The following ETV1 variants were observed in gnomAD, a reference collection of about 807,000 sequenced individuals.
The protein encoded by ETV1 is ETS translocation variant 1.
ETV1 carries 27 observed loss-of-function variants against 62.3 expected under a neutral mutation model. The observed-to-expected ratio is 0.43, with a 90% CI of 0.32 to 0.60. The LOEUF is 0.60. ETV1 is among the 20% of genes least tolerant of loss of function. ETV1 has a pLI of 0.06. For missense variants in ETV1, 605 were observed against 605.8 expected, an observed-to-expected ratio of 1.00 and a Z score of 0.01; for synonymous variants, 222 against 199.6, an observed-to-expected ratio of 1.11 and a Z score of -0.94.
Position 13,960,943 on chromosome 7 carries a change from A to G in ETV1, c.235+16484T>C, listed in dbSNP as rs1583808284. ...GATCACTTGGGTCCACAAGTTCAAG[A>G]CCGCTAGGTAACACAGCAATACCTC... On this transcript the variant is annotated intron_variant, in intron 6 of 13. Transcript: ENST00000430479. Among the ~76,000 whole-genome samples the G allele has an allele frequency of 2.0e-5, 3 of 152,220 alleles. No individual in the cohort carries two copies. The South Asian group carries it at 6.2e-4, about 32-fold the overall frequency.
intron 6 of ETV1, among the ~76,000 whole-genome samples, chr7:13,951,261 A>G (rs1788789514): frequency 6.6e-6 from 1 of 152,134 alleles, no homozygotes; most frequent in Non-Finnish European, 1.5e-5. Flanking sequence ...CTTATGTCAC[A>G]CTCATGAGTT....
intron 3 of ETV1, chr7:13,988,703 CA>C (rs781720047): frequency 1.9e-6 from 3 of 1,612,434 alleles, no homozygotes; most frequent in Non-Finnish European, 2.5e-6. Flanking sequence ...ATGTGGCAGA[CA>C]AACCCAGCCA....
intron 6 of ETV1, among the ~76,000 whole-genome samples, chr7:13,962,953 T>C (rs1337507267): frequency 2.0e-5 from 3 of 152,162 alleles, no homozygotes; most frequent in African/African-American, 7.2e-5. Context: ...TGTATAGTCA[T>C]GGCAAATCAA....
chr7:13,902,424 C>A (rs1276409152), intron 12 of ETV1, among the ~76,000 whole-genome samples: 2 of 151,624 alleles, frequency 1.3e-5, no homozygotes, highest in Non-Finnish European at 2.9e-5. Context: ...ATCATATATC[C>A]CAGCAGACAA....
chr7:13,938,047 G>C (rs986217597), intron 7 of ETV1, among the ~76,000 whole-genome samples: 1 of 152,182 alleles, frequency 6.6e-6, no homozygotes, highest in Non-Finnish European at 1.5e-5. Context: ...CCAGGTTCAA[G>C]CGATTCTCCT....
At chr7:13,975,342 C>G (rs998837884) in intron 6 of ETV1, among the ~76,000 whole-genome samples, 3 of 151,874 alleles carry the variant, frequency 2.0e-5, no homozygotes, top group Admixed American at 6.6e-5. Flanking sequence ...GTCAGGAGAT[C>G]GAGACCATCC....
In ETV1 at chr7:13,961,023, C is replaced by T. The variant is rs533360021; in HGVS notation, c.235+16404G>A. On this transcript the variant is annotated intron_variant, in intron 6 of 13. Transcript: ENST00000430479. ...AATAGCTGGGCATGGTAGCGCACAC[C>T]GGAGTCCCAGCTACTCAAGAGGCTG... 4.6e-5 allele frequency among the ~76,000 whole-genome samples: 7 copies of T among 151,906 alleles called. No homozygotes were observed. The South Asian group carries it at 1.0e-3, about 23-fold the overall frequency.
chr7:13,989,830 C>T (rs1782885998), upstream of ETV1: 2 of 380,786 alleles, frequency 5.3e-6, no homozygotes, highest in African/African-American at 2.1e-5. Flanking sequence ...TCTCCCTCGC[C>T]CCTCTGCCCT....
intron 3 of ETV1, chr7:13,988,544 T>TC: frequency 2.3e-6 from 1 of 437,784 alleles, no homozygotes. Flanking sequence ...GGACAGCCCC[T>TC]CCTCCCCACC....
chr7:13,962,167 A>G (rs1043322047), intron 6 of ETV1, among the ~76,000 whole-genome samples: 3 of 151,272 alleles, frequency 2.0e-5, no homozygotes, highest in Admixed American at 6.6e-5. Flanking sequence ...ACATAAACAT[A>G]TACAATGTTA....
rs141455361 is a variant in ETV1 at position 13,938,280 on chromosome 7, C to T, written c.365+837G>A. Among the ~76,000 whole-genome samples the T allele has an allele frequency of 5.5e-3, 844 of 152,224 alleles. 9 individuals carry two copies. The highest frequency in any genetic ancestry group is 5.6e-3 in the Non-Finnish European group (383 of 67,998). ...GAATCTTACATATCTTGGACATAAA[C>T]AGCGTATGCAATAAATATCTGAGGA... On this transcript the variant is annotated intron_variant, in intron 7 of 13. Transcript: ENST00000430479.
rs1475197955 is a variant in ETV1, at chr7:13,895,944, G to C, written c.1356C>G (p.His452Gln). ...INEEDTVPLS[H>Q]FDESMAYMPE... is the part of the protein sequence containing the mutation. Reference sequence around the variant, plus strand: ...GCATGTAGGCCATGCTCTCATCAAAGTGAGAAAGAGGCACTGTGTCCTCCT... The same window carrying C: ...GCATGTAGGCCATGCTCTCATCAAACTGAGAAAGAGGCACTGTGTCCTCCT... Residue 452 changes from histidine (H) to glutamine (Q), a missense_variant, in exon 14 of 14, where the codon CAC (histidine) becomes CAG (glutamine). By Grantham distance (24) the His-to-Gln change is conservative (BLOSUM62 0). Transcript: ENST00000430479. The C allele has an allele frequency of 6.2e-7, 1 of 1,613,626 alleles. No individual in the cohort carries two copies. The highest frequency in any genetic ancestry group is 8.5e-7 in the Non-Finnish European group (1 of 1,179,808).
intron 9 of ETV1, among the ~76,000 whole-genome samples, chr7:13,918,591 G>A (rs1042318814): frequency 4.6e-5 from 7 of 151,312 alleles, no homozygotes; most frequent in Admixed American, 1.3e-4. Flanking sequence ...GGACATGGAT[G>A]AAATTGGAAA....
At position 13,986,694 on chromosome 7, in the gene ETV1, C is replaced by A. The variant is rs1782582227; in HGVS notation, c.134-9G>T. 1.2e-6 allele frequency: 2 copies of A among 1,604,102 alleles called. No individual in the cohort carries two copies. The highest frequency in any genetic ancestry group is 1.7e-6 in the Non-Finnish European group (2 of 1,174,080). ...TAGATCTTGAAAGAGTTCTAAAAAA[C>A]AAGTCAAAGACATAAACATAAGATT... On this transcript the variant is annotated splice_polypyrimidine_tract_variant and intron_variant, in intron 4 of 13. Transcript: ENST00000430479.
intron 9 of ETV1, among the ~76,000 whole-genome samples, chr7:13,930,932 C>T (rs1489482742): frequency 6.6e-6 from 1 of 151,910 alleles, no homozygotes; most frequent in East Asian, 1.9e-4. Context: ...TCCCGAGTAG[C>T]TGGGACTACA....
At chr7:13,960,619 T>C (rs1790059003) in intron 6 of ETV1, among the ~76,000 whole-genome samples, 1 of 152,040 alleles carries the variant, frequency 6.6e-6, no homozygotes, top group South Asian at 2.1e-4. Context: ...AATTTGTAAA[T>C]CTATAAAACT....
At chr7:13,987,856 G>C (rs1282186156) in intron 4 of ETV1, among the ~76,000 whole-genome samples, 1 of 152,188 alleles carries the variant, frequency 6.6e-6, no homozygotes, top group African/African-American at 2.4e-5. Context: ...AAAGAAGGTT[G>C]TCATTGAGAA....
Position 13,892,897 on chromosome 7 carries a change from CT to C in ETV1, c.*2968del, listed in dbSNP as rs1781475246. On this transcript the variant is annotated 3_prime_UTR_variant, in exon 14 of 14. Transcript: ENST00000430479. Reference sequence around the variant, plus strand: ...TCTTGGTTTTAGTCTCTTAAGGCTTCTTTTGAACTTCTGCCTCCAGAACTAT... The same window carrying C: ...TCTTGGTTTTAGTCTCTTAAGGCTTCTTTGAACTTCTGCCTCCAGAACTAT... 1 of 232,034 alleles carries C rather than the reference CT, an allele frequency of 4.3e-6. No individual in the cohort carries two copies. The highest frequency in any genetic ancestry group is 8.5e-6 in the Non-Finnish European group (1 of 117,298). The allele number at this position is 232,034 out of a possible 1,614,324, so 14.4% of individuals were successfully genotyped here.
At chr7:13,960,133 C>T (rs1403618609) in intron 6 of ETV1, among the ~76,000 whole-genome samples, 1 of 151,966 alleles carries the variant, frequency 6.6e-6, no homozygotes, top group Admixed American at 6.6e-5. Context: ...GTGTTCACCT[C>T]TTAGAGAACA....
Sources: gnomAD v4.1 joint callset for allele counts (sites outside exome capture counted in the v4.1 genomes callset) on GRCh38, gnomAD v4.1.1 for gene constraint, MANE v1.5 for transcripts, NCBI Gene and HGNC (gene_info 2026-07-23, HGNC 2026-07-21) for gene names.